Variants in RNF180 observed in about 807,000 individuals in gnomAD.
RNF180 encodes the protein ring finger protein 180.
In RNF180, 38 loss-of-function variants were observed where a neutral mutation model predicts 59.2. That is an observed-to-expected ratio of 0.64 (90% CI 0.50 to 0.84). The LOEUF is 0.84. Ranked by LOEUF, RNF180 falls within the 40% of genes least tolerant of loss-of-function variation. The pLI, the probability that RNF180 is intolerant of heterozygous loss-of-function variation, is 0.00. For synonymous variants in RNF180, 262 were observed against 240.3 expected (o/e 1.09, Z -0.84); for missense variants, 705 against 700.9 (o/e 1.01, Z -0.07).
chr5:64,338,672 A>G (rs1745232801), intron 7 of RNF180, among the ~76,000 whole-genome samples: 1 of 152,096 alleles, frequency 6.6e-6, no homozygotes, highest in African/African-American at 2.4e-5. Flanking sequence ...AATATTTACA[A>G]ATAGGTATAA....
At chr5:64,363,720 A>C (rs72752864) in intron 7 of RNF180, among the ~76,000 whole-genome samples, 13,468 of 151,894 alleles carry the variant, frequency 0.089, 751 homozygotes, top group South Asian at 0.17. Context: ...TAGCCATCAC[A>C]TGGAATGTTT....
chr5:64,302,290 A>G (rs1163158508), intron 5 of RNF180, among the ~76,000 whole-genome samples: 1 of 151,628 alleles, frequency 6.6e-6, no homozygotes, highest in Non-Finnish European at 1.5e-5. Context: ...CCACTGATAT[A>G]TGTTGTGAAG....
chr5:64,167,727 A>G (rs756000566), intron 1 of RNF180, among the ~76,000 whole-genome samples: 1 of 152,214 alleles, frequency 6.6e-6, no homozygotes, highest in Non-Finnish European at 1.5e-5. Context: ...TAAAGATTAA[A>G]AATTTCGCTT....
chr5:64,265,782 G>A (rs7707196), intron 5 of RNF180, among the ~76,000 whole-genome samples: 43,047 of 151,360 alleles, frequency 0.28, 6,311 homozygotes, highest in African/African-American at 0.35. Context: ...TGGTAGTTTG[G>A]GAATAGCATT....
intron 5 of RNF180, among the ~76,000 whole-genome samples, chr5:64,319,250 C>T (rs187272077): frequency 1.0e-3 from 157 of 151,338 alleles, no homozygotes; most frequent in African/African-American, 3.7e-3. Flanking sequence ...GCTTGTGAAG[C>T]ATATACCACA....
At chr5:64,220,011 A>C (rs1752830863) in intron 5 of RNF180, among the ~76,000 whole-genome samples, 1 of 152,210 alleles carries the variant, frequency 6.6e-6, no homozygotes, top group Non-Finnish European at 1.5e-5. Context: ...TGTCAAAATT[A>C]CATGTTTAAC....
chr5:64,345,047 A>T (rs1442906676), intron 7 of RNF180, among the ~76,000 whole-genome samples: 1 of 152,040 alleles, frequency 6.6e-6, no homozygotes, highest in African/African-American at 2.4e-5. Flanking sequence ...TTGGCTAGTG[A>T]TCCATTCATC....
chr5:64,183,336 T>G (rs547844501), intron 1 of RNF180, among the ~76,000 whole-genome samples: 1 of 152,184 alleles, frequency 6.6e-6, no homozygotes, highest in East Asian at 1.9e-4. Flanking sequence ...AAAAATAATA[T>G]TAATGCTTTG....
intron 2 of RNF180, 51 bp from the exon 3 acceptor site, chr5:64,212,013 GA>G: frequency 9.4e-7 from 1 of 1,062,610 alleles, no homozygotes; most frequent in South Asian, 1.5e-5. Flanking sequence ...TGAAACCTGT[GA>G]AATAAATTCT....
At chr5:64,352,163 C>A (rs1425360481) in intron 7 of RNF180, among the ~76,000 whole-genome samples, 1 of 152,072 alleles carries the variant, frequency 6.6e-6, no homozygotes, top group Non-Finnish European at 1.5e-5. Flanking sequence ...TTACCCATTT[C>A]TTCTAGATTT....
chr5:64,252,952 A>C (rs1743679179), intron 5 of RNF180, among the ~76,000 whole-genome samples: 1 of 151,924 alleles, frequency 6.6e-6, no homozygotes. Context: ...ACCTCAAATG[A>C]CCTCATTCAT....
At position 64,192,931 on chromosome 5, in the gene RNF180, AT is replaced by A. The variant is rs1561179013; in HGVS notation, c.1-7876del. On this transcript the variant is annotated intron_variant, in intron 1 of 7. Coordinates refer to ENST00000389100, the MANE Select transcript of RNF180 (RefSeq NM_001113561.2). ...TATATATATATATATATATATATATATATATATAAAATGAAACATTCAGCAT... is the reference window on the plus strand; with the variant it reads ...TATATATATATATATATATATATATAATATATAAAATGAAACATTCAGCAT... Among the ~76,000 whole-genome samples the A allele has an allele frequency of 5.6e-4, 72 of 128,286 alleles. 1 individual carries two copies. The highest frequency in any genetic ancestry group is 1.6e-4 in the Non-Finnish European group (10 of 61,674). The allele number at this position is 128,286 out of a possible 152,430, so 84.2% of individuals were successfully genotyped here. A position where few individuals can be genotyped will look rare whatever the true frequency, so the allele number is the denominator to read the frequency against.
At chr5:64,351,064 T>A (rs1745786727) in intron 7 of RNF180, among the ~76,000 whole-genome samples, 1 of 152,026 alleles carries the variant, frequency 6.6e-6, no homozygotes, top group Admixed American at 6.6e-5. Flanking sequence ...TTCCATTTGT[T>A]TGTGTCCTCT....
intron 5 of RNF180, among the ~76,000 whole-genome samples, chr5:64,321,169 G>A (rs952682993): frequency 1.3e-5 from 2 of 152,128 alleles, no homozygotes; most frequent in Non-Finnish European, 2.9e-5. Flanking sequence ...TCTGGCCAGG[G>A]CAATCAGGCA....
intron 1 of RNF180, among the ~76,000 whole-genome samples, chr5:64,177,600 C>G (rs1451412041): frequency 7.5e-6 from 1 of 132,552 alleles, no homozygotes; most frequent in Admixed American, 8.3e-5. Flanking sequence ...TACATAATAC[C>G]TAGAACAGTG....
rs561690024 is a variant in RNF180, at chr5:64,248,583, G to A, written c.1227+31187G>A. On this transcript the variant is annotated intron_variant, in intron 5 of 7. Transcript: ENST00000389100. ...ACCATCTCACACCAGTTAGAATGGCGATCATTAAAAAGTCAGGAATCAACA... is the reference window on the plus strand; with the variant it reads ...ACCATCTCACACCAGTTAGAATGGCAATCATTAAAAAGTCAGGAATCAACA... Among the ~76,000 whole-genome samples, 46 of 152,230 alleles carry A rather than the reference G, an allele frequency of 3.0e-4. 1 individual carries two copies. Among genetic ancestry groups the A allele is most frequent in the Admixed American group, 2.6e-3 (40 of 15,286 alleles).
At chr5:64,238,876 GC>G (rs1365460971) in intron 5 of RNF180, among the ~76,000 whole-genome samples, 9 of 152,000 alleles carry the variant, frequency 5.9e-5, no homozygotes, top group Admixed American at 5.9e-4. Context: ...TGTTGCCCAT[GC>G]TTTTGTTGTC....
intron 5 of RNF180, among the ~76,000 whole-genome samples, chr5:64,289,726 C>A (rs1742474367): frequency 6.6e-6 from 1 of 152,082 alleles, no homozygotes; most frequent in African/African-American, 2.4e-5. Flanking sequence ...TCTGTGGGGT[C>A]AGTGGTCATA....
intron 5 of RNF180, among the ~76,000 whole-genome samples, chr5:64,278,462 A>G (rs764381370): frequency 2.0e-5 from 3 of 152,176 alleles, no homozygotes; most frequent in Non-Finnish European, 4.4e-5. Flanking sequence ...GACAGGAGGA[A>G]ATGCTAAGTC....
Sources: allele counts gnomAD v4.1 joint callset (sites outside exome capture counted in the v4.1 genomes callset), GRCh38; gene constraint gnomAD v4.1.1; transcripts MANE v1.5; gene names NCBI Gene and HGNC (gene_info 2026-07-23, HGNC 2026-07-21).